PTPN4: variants seen among roughly 807,000 people sequenced by gnomAD.
The protein encoded by PTPN4 is tyrosine-protein phosphatase non-receptor type 4.
A neutral mutation model predicts 135.5 loss-of-function variants in PTPN4; 49 were observed. The ratio of observed to expected loss-of-function variants is 0.36; its 90% CI spans 0.29 to 0.46. PTPN4 has a LOEUF of 0.46. Among genes scored for constraint, PTPN4 ranks in the 20% least tolerant of loss-of-function variants. The pLI is 1.00. For missense variants in PTPN4, 860 were observed against 1,101.0 expected (o/e 0.78, Z 3.10); for synonymous variants, 333 against 369.9 (o/e 0.90, Z 1.14).
intron 9 of PTPN4, among the ~76,000 whole-genome samples, chr2:119,897,121 CG>C (rs1558757974): frequency 6.6e-6 from 1 of 151,926 alleles, no homozygotes; most frequent in Non-Finnish European, 1.5e-5. Flanking sequence ...TTGATAGAGA[CG>C]GGGTTTCACC....
intron 18 of PTPN4, among the ~76,000 whole-genome samples, chr2:119,949,715 C>T (rs1028131706): frequency 2.6e-5 from 4 of 152,086 alleles, no homozygotes; most frequent in Admixed American, 6.6e-5. Flanking sequence ...TGGTGGCACA[C>T]GCCTGTGATG....
chr2:119,847,328 A>ATATATATTT (rs1257711116), intron 2 of PTPN4, among the ~76,000 whole-genome samples: 7 of 102,728 alleles, frequency 6.8e-5, no homozygotes, highest in Admixed American at 1.0e-4. Context: ...ATATATATAT[A>ATATATATTT]TTTTTTTTTT....
chr2:119,945,290 C>T, intron 16 of PTPN4, 50 bp downstream of exon 16: 5 of 1,453,974 alleles, frequency 3.4e-6, no homozygotes, highest in Non-Finnish European at 4.6e-6. Flanking sequence ...TTTTAAAATC[C>T]TAAATGAAAT....
chr2:119,959,241 C>T (rs74264784), intron 22 of PTPN4, among the ~76,000 whole-genome samples: 1 of 147,784 alleles, frequency 6.8e-6, no homozygotes, highest in African/African-American at 2.5e-5. Flanking sequence ...CTGATAAGGC[C>T]TTTTTTTTTT....
intron 10 of PTPN4, among the ~76,000 whole-genome samples, chr2:119,902,934 C>T (rs1169623264): frequency 1.3e-5 from 2 of 152,136 alleles, no homozygotes; most frequent in African/African-American, 4.8e-5. Context: ...CAACACAATG[C>T]CATTTTGAGA....
At chr2:119,956,966 T>A in intron 21 of PTPN4, 32 bp downstream of exon 21, 1 of 1,602,706 alleles carries the variant, frequency 6.2e-7, no homozygotes, top group Non-Finnish European at 8.5e-7. Flanking sequence ...TTAAATTTAA[T>A]CTTTTAAACA....
At chr2:119,847,289 C>CACACACAG (rs1553451362) in intron 2 of PTPN4, among the ~76,000 whole-genome samples, 1 of 90,882 alleles carries the variant, frequency 1.1e-5, no homozygotes, top group Non-Finnish European at 2.1e-5. Context: ...CACACACACA[C>CACACACAG]ACACACACAC....
At chr2:119,783,406 C>T (rs1690982785) in intron 1 of PTPN4, among the ~76,000 whole-genome samples, 1 of 152,130 alleles carries the variant, frequency 6.6e-6, no homozygotes, top group African/African-American at 2.4e-5. Context: ...TTCTTTTCCC[C>T]TTGATTTTCT....
intron 1 of PTPN4, among the ~76,000 whole-genome samples, chr2:119,781,466 A>G (rs1235171145): frequency 6.6e-6 from 1 of 152,152 alleles, no homozygotes; most frequent in Non-Finnish European, 1.5e-5. Context: ...GTTCAATCCT[A>G]TAATAGACAC....
intron 2 of PTPN4, among the ~76,000 whole-genome samples, chr2:119,861,263 C>G (rs1386546012): frequency 6.6e-6 from 1 of 152,034 alleles, no homozygotes; most frequent in South Asian, 2.1e-4. Flanking sequence ...CTCACTCGCT[C>G]CCTTGAGAAT....
At chr2:119,863,467 G>T (rs1359783304) in intron 3 of PTPN4, among the ~76,000 whole-genome samples, 1 of 152,116 alleles carries the variant, frequency 6.6e-6, no homozygotes, top group Non-Finnish European at 1.5e-5. Flanking sequence ...GGAGGCTGAA[G>T]AAATGGTTCT....
At chr2:119,932,674 T>C in intron 14 of PTPN4, 125 bp downstream of exon 14, 2 of 1,164,934 alleles carry the variant, frequency 1.7e-6, no homozygotes, top group Non-Finnish European at 2.4e-6. Flanking sequence ...AAACATGATT[T>C]TTGTTGCTCC....
intron 15 of PTPN4, among the ~76,000 whole-genome samples, chr2:119,941,158 CATT>C (rs890317797): frequency 1.3e-5 from 2 of 152,056 alleles, no homozygotes; most frequent in African/African-American, 2.4e-5. Flanking sequence ...TGTTTCATGA[CATT>C]ATTTTTAATG....
intron 1 of PTPN4, among the ~76,000 whole-genome samples, chr2:119,771,122 C>G (rs1194628615): frequency 6.6e-6 from 1 of 152,130 alleles, no homozygotes; most frequent in Non-Finnish European, 1.5e-5. Flanking sequence ...TGAGGAAGCC[C>G]AAACTCTCAC....
intron 11 of PTPN4, 124 bp from the exon 12 acceptor site, chr2:119,919,945 A>G (rs1217361489): frequency 1.5e-6 from 2 of 1,311,804 alleles, no homozygotes; most frequent in East Asian, 5.2e-5. Context: ...CATAGGTTCT[A>G]TCTATATCAT....
intron 12 of PTPN4, among the ~76,000 whole-genome samples, chr2:119,925,559 G>A (rs562283199): frequency 1.3e-5 from 2 of 152,260 alleles, no homozygotes; most frequent in East Asian, 3.9e-4. Flanking sequence ...AATCATCCAA[G>A]TGGTTAGACA....
chr2:119,947,769 C>CACACACACAT (rs1286093984), intron 18 of PTPN4, among the ~76,000 whole-genome samples: 1 of 150,866 alleles, frequency 6.6e-6, no homozygotes, highest in African/African-American at 2.4e-5. Context: ...CTACCACACA[C>CACACACACAT]ACACACACAC....
At chr2:119,764,523 C>G (rs1205325946) in intron 1 of PTPN4, among the ~76,000 whole-genome samples, 1 of 152,138 alleles carries the variant, frequency 6.6e-6, no homozygotes, top group Admixed American at 6.5e-5. Flanking sequence ...CAAAATTCAC[C>G]TGTTTCTGGA....
intron 3 of PTPN4, among the ~76,000 whole-genome samples, chr2:119,872,419 G>A (rs1022004917): frequency 6.6e-6 from 1 of 152,146 alleles, no homozygotes; most frequent in East Asian, 1.9e-4. Flanking sequence ...TCTAAAAATG[G>A]ATAGAAAATG....
Sources: allele counts gnomAD v4.1 joint callset (sites outside exome capture counted in the v4.1 genomes callset), GRCh38; gene constraint gnomAD v4.1.1; transcripts MANE v1.5; gene names NCBI Gene and HGNC (gene_info 2026-07-23, HGNC 2026-07-21).